The following TAF4B variants were observed in gnomAD, a reference collection of about 807,000 sequenced individuals.
The protein encoded by TAF4B is TATA-box binding protein associated factor 4b, also known as transcription initiation factor TFIID subunit 4B.
A neutral mutation model predicts 86.4 loss-of-function variants in TAF4B; 38 were observed. That is an observed-to-expected ratio of 0.44 (90% CI 0.34 to 0.58). The LOEUF (loss-of-function observed/expected upper bound fraction) is 0.58, where lower values mean the gene tolerates loss of function less well. TAF4B is among the 20% of genes least tolerant of loss of function. The probability of loss-of-function intolerance (pLI) is 0.02; values close to 1 mark genes in which losing one functional copy is unlikely to be tolerated. For missense variants in TAF4B, 988 were observed against 1,027.6 expected, an observed-to-expected ratio of 0.96 and a Z score of 0.53; for synonymous variants, 388 against 391.2, an observed-to-expected ratio of 0.99 and a Z score of 0.10.
chr18:26,265,141 G>A (rs1415534439), intron 1 of TAF4B, 29 bp from the exon 2 acceptor site: 1 of 1,599,694 alleles, frequency 6.3e-7, no homozygotes, highest in African/African-American at 1.4e-5. Context: ...GTGGCTCAGA[G>A]GTCACTTTTT....
chr18:26,381,272 C>T (rs1039455966), intron 14 of TAF4B, among the ~76,000 whole-genome samples: 3 of 151,676 alleles, frequency 2.0e-5, no homozygotes, highest in African/African-American at 7.3e-5. Context: ...GCCTCGGCCT[C>T]CCAAAGTGCT....
At chr18:26,354,900 T>C (rs536749967) in intron 13 of TAF4B, among the ~76,000 whole-genome samples, 2 of 152,332 alleles carry the variant, frequency 1.3e-5, no homozygotes, top group South Asian at 2.1e-4. Flanking sequence ...CATTTTTCTT[T>C]CCATATAAAC....
intron 7 of TAF4B, among the ~76,000 whole-genome samples, chr18:26,290,215 C>T (rs965501815): frequency 2.0e-5 from 3 of 152,150 alleles, no homozygotes; most frequent in Non-Finnish European, 4.4e-5. Context: ...TCATGGTTCA[C>T]TGCAGCCTCG....
intron 9 of TAF4B, among the ~76,000 whole-genome samples, chr18:26,306,036 C>T (rs1384993537): frequency 1.3e-5 from 2 of 152,204 alleles, no homozygotes; most frequent in Non-Finnish European, 2.9e-5. Context: ...AATTATCTCT[C>T]ATATTCAGAA....
intron 9 of TAF4B, 39 bp from the exon 10 acceptor site, chr18:26,315,190 C>CAAACAAAA: frequency 7.2e-7 from 1 of 1,395,224 alleles, no homozygotes; most frequent in Non-Finnish European, 9.6e-7. Flanking sequence ...CACACACACA[C>CAAACAAAA]ACAACCTAAA....
At chr18:26,379,332 A>G (rs1472736540) in intron 14 of TAF4B, among the ~76,000 whole-genome samples, 1 of 152,050 alleles carries the variant, frequency 6.6e-6, no homozygotes, top group Non-Finnish European at 1.5e-5. Flanking sequence ...TTATAGTTTT[A>G]ACTTTTATGT....
At chr18:26,373,532 A>T (rs1375328884) in intron 14 of TAF4B, among the ~76,000 whole-genome samples, 1 of 152,212 alleles carries the variant, frequency 6.6e-6, no homozygotes, top group Non-Finnish European at 1.5e-5. Context: ...ATTAAAGGTT[A>T]TCTAAAAAAA....
intron 13 of TAF4B, among the ~76,000 whole-genome samples, chr18:26,351,565 C>T (rs1458102564): frequency 2.0e-5 from 3 of 152,138 alleles, no homozygotes; most frequent in African/African-American, 4.8e-5. Flanking sequence ...TAATTATCCT[C>T]ATCTGATCAC....
At chr18:26,339,502 T>A in intron 13 of TAF4B, among the ~76,000 whole-genome samples, 1 of 152,092 alleles carries the variant, frequency 6.6e-6, no homozygotes, top group East Asian at 1.9e-4. Context: ...ATTTTTTAAA[T>A]TTTTTGGAAA....
intron 5 of TAF4B, among the ~76,000 whole-genome samples, chr18:26,279,414 C>A (rs2056419711): frequency 6.6e-6 from 1 of 152,040 alleles, no homozygotes; most frequent in African/African-American, 2.4e-5. Context: ...AGCCATACTG[C>A]CCAAAGCAAT....
intron 1 of TAF4B, among the ~76,000 whole-genome samples, chr18:26,249,170 CAAA>C (rs796850643): frequency 1.2e-4 from 14 of 112,872 alleles, no homozygotes; most frequent in African/African-American, 1.5e-4. Flanking sequence ...GACTCCATAT[CAAA>C]AAAAAAAAAA....
chr18:26,352,752 T>C (rs944994866), intron 13 of TAF4B, among the ~76,000 whole-genome samples: 1 of 151,982 alleles, frequency 6.6e-6, no homozygotes, highest in Non-Finnish European at 1.5e-5. Context: ...TGAGACCCTG[T>C]CTCCCCGCCA....
At chr18:26,246,614 A>G (rs1171258207) in intron 1 of TAF4B, among the ~76,000 whole-genome samples, 5 of 151,602 alleles carry the variant, frequency 3.3e-5, no homozygotes, top group Admixed American at 1.3e-4. Context: ...GCTCACTGCA[A>G]CCTCCACCTC....
intron 9 of TAF4B, chr18:26,304,663 C>A: frequency 1.1e-6 from 1 of 946,594 alleles, no homozygotes; most frequent in Non-Finnish European, 1.3e-6. Flanking sequence ...ATACACTTTT[C>A]CCATTGTAAT....
intron 3 of TAF4B, among the ~76,000 whole-genome samples, chr18:26,271,870 T>C (rs1344936845): frequency 7.0e-6 from 1 of 142,984 alleles, no homozygotes; most frequent in African/African-American, 2.7e-5. Flanking sequence ...GAGATTGCAG[T>C]GAGCCGAGAT....
At chr18:26,318,351 C>T (rs1272612795) in intron 10 of TAF4B, among the ~76,000 whole-genome samples, 1 of 149,302 alleles carries the variant, frequency 6.7e-6, no homozygotes, top group Non-Finnish European at 1.5e-5. Context: ...TCTGAATTAG[C>T]TAAGCTTTTT....
At chr18:26,301,791 C>G (rs762195508) in intron 9 of TAF4B, among the ~76,000 whole-genome samples, 4 of 152,174 alleles carry the variant, frequency 2.6e-5, no homozygotes, top group Non-Finnish European at 4.4e-5. Flanking sequence ...CAAGTTCTGG[C>G]AGCCTTGGAC....
At position 26,283,777 on chromosome 18, in the gene TAF4B, G is replaced by A. The variant is rs1056186986; in HGVS notation, c.972+1717G>A. On this transcript the variant is annotated intron_variant, in intron 6 of 14. Transcript: ENST00000269142. ...ATTGAAAATCTGTCGTTGGCCAGGC[G>A]TGGTGGCTCACGCCTGTAATCCCAG... Among the ~76,000 whole-genome samples, 50 of 152,280 alleles carry A rather than the reference G, an allele frequency of 3.3e-4. No homozygotes were observed. The East Asian group carries it at 7.5e-3, about 23-fold the overall frequency.
At chr18:26,281,092 A>G (rs1448301069) in intron 5 of TAF4B, among the ~76,000 whole-genome samples, 3 of 152,194 alleles carry the variant, frequency 2.0e-5, no homozygotes, top group African/African-American at 7.2e-5. Context: ...CTAAACATTA[A>G]GTACACTTGG....
Sources: gnomAD v4.1 joint callset for allele counts (sites outside exome capture counted in the v4.1 genomes callset) on GRCh38, gnomAD v4.1.1 for gene constraint, MANE v1.5 for transcripts, NCBI Gene and HGNC (gene_info 2026-07-23, HGNC 2026-07-21) for gene names.